DTNBP1: variants seen among roughly 807,000 people sequenced by gnomAD.
DTNBP1 encodes dystrobrevin binding protein 1.
In DTNBP1, 35 loss-of-function variants were observed where a neutral mutation model predicts 42.8. The ratio of observed to expected loss-of-function variants is 0.82; its 90% CI spans 0.63 to 1.09. The LOEUF (loss-of-function observed/expected upper bound fraction) is 1.09. Among genes scored for constraint, DTNBP1 ranks in the 50% least tolerant of loss-of-function variants. The pLI is 0.00. For synonymous variants in DTNBP1, 171 were observed against 162.2 expected (o/e 1.05, Z -0.41); for missense variants, 457 against 424.2 (o/e 1.08, Z -0.68).
rs1772009067 is a variant in DTNBP1, at chr6:15,523,016, TGTCA to T, written c.1011_1014del (p.Asp338GlufsTer46). On this transcript the variant is annotated frameshift_variant, in exon 10 of 10. Coordinates refer to ENST00000344537, the MANE Select transcript of DTNBP1 (RefSeq NM_032122.5). LOFTEE classifies it high-confidence loss of function. ...TCACCACCATCCGGAGTGGCCTCTC[TGTCA>T]GTGTGTGATGTGGCCAGGGCAGTGT... is the stretch of plus-strand genomic sequence containing the variant. The T allele has an allele frequency of 1.2e-6, 2 of 1,614,222 alleles. No individual in the cohort carries two copies. Among genetic ancestry groups the T allele is most frequent in the Non-Finnish European group, 1.7e-6 (2 of 1,180,040 alleles).
intron 7 of DTNBP1, among the ~76,000 whole-genome samples, chr6:15,558,898 CGTTAT>C (rs1201715195): frequency 6.6e-6 from 1 of 152,104 alleles, no homozygotes; most frequent in Non-Finnish European, 1.5e-5. Context: ...AAATAAATGT[CGTTAT>C]GTTATAGGTC....
chr6:15,533,243 G>A lies in DTNBP1; in HGVS notation c.664C>T (p.Arg222Ter), dbSNP rs367702294. The A allele has an allele frequency of 6.8e-6, 11 of 1,613,560 alleles. No individual in the cohort carries two copies. Among genetic ancestry groups the A allele is most frequent in the Middle Eastern group, 3.4e-4 (2 of 5,890 alleles). The change falls in exon 8 of 10, where the codon CGA becomes TGA. Residue 222 changes from arginine to a stop codon, truncating the protein, a stop_gained. Coordinates refer to ENST00000344537, the MANE Select transcript of DTNBP1 (RefSeq NM_032122.5). LOFTEE classifies it high-confidence loss of function. ...STGYLQIAER[R>*]EPIGSMSSME... is the part of the protein sequence containing the mutation. ...AGCAGCCCCAGCCCCCACTCGCCTC[G>A]CCGCTCTGCAATCTGCAGGTAGCCA...
At chr6:15,650,632 C>A (rs1760938575) in intron 3 of DTNBP1, among the ~76,000 whole-genome samples, 1 of 152,116 alleles carries the variant, frequency 6.6e-6, no homozygotes, top group Non-Finnish European at 1.5e-5. Context: ...CGTTGAGCAT[C>A]TTTTCATGTG....
chr6:15,628,587 A>T (rs1759498728), intron 4 of DTNBP1, among the ~76,000 whole-genome samples: 1 of 151,642 alleles, frequency 6.6e-6, no homozygotes, highest in African/African-American at 2.4e-5. Context: ...TTGTATTTTT[A>T]GTAGAGACAG....
intron 6 of DTNBP1, among the ~76,000 whole-genome samples, chr6:15,593,309 C>G (rs1776375100): frequency 6.6e-6 from 1 of 152,110 alleles, no homozygotes; most frequent in South Asian, 2.1e-4. Flanking sequence ...AAAGTTCCAC[C>G]AGAATCCAAA....
rs115740151 is a variant in DTNBP1 at position 15,632,041 on chromosome 6, G to A, written c.223-4566C>T. ...TTGCATTTCCTTGATACCAAGCAAG[G>A]TTGAACATATTTTACTGTGTACTGG... On this transcript the variant is annotated intron_variant, in intron 4 of 9. Transcript: ENST00000344537. 8.8e-3 allele frequency among the ~76,000 whole-genome samples: 1,336 copies of A among 152,220 alleles called. 26 individuals carry two copies. The highest frequency in any genetic ancestry group is 0.03 in the African/African-American group (1,240 of 41,512).
chr6:15,583,188 C>T (rs1451409033), intron 7 of DTNBP1, among the ~76,000 whole-genome samples: 1 of 152,024 alleles, frequency 6.6e-6, no homozygotes, highest in African/African-American at 2.4e-5. Context: ...CATTATGTTA[C>T]CCTGGGCTGG....
intron 3 of DTNBP1, among the ~76,000 whole-genome samples, chr6:15,642,742 G>A (rs560331350): frequency 2.7e-4 from 41 of 152,224 alleles, no homozygotes; most frequent in African/African-American, 9.9e-4. Flanking sequence ...TTGGCTCTGT[G>A]GAAGCACCCA....
intron 6 of DTNBP1, among the ~76,000 whole-genome samples, chr6:15,612,452 C>A (rs1268923097): frequency 6.6e-6 from 1 of 152,160 alleles, no homozygotes; most frequent in Non-Finnish European, 1.5e-5. Context: ...ATGTTTCCAA[C>A]AATCACATTT....
intron 2 of DTNBP1, 172 bp from the exon 3 acceptor site, chr6:15,651,535 T>G (rs190780878): frequency 3.1e-5 from 25 of 803,794 alleles, no homozygotes; most frequent in Non-Finnish European, 5.0e-5. Context: ...ATGTACTGTA[T>G]GTAACACACT....
intron 8 of DTNBP1, among the ~76,000 whole-genome samples, chr6:15,531,868 G>A (rs867851721): frequency 1.3e-5 from 2 of 152,186 alleles, no homozygotes; most frequent in East Asian, 1.9e-4. Context: ...TCTTGACCTC[G>A]TGATCCACCC....
intron 7 of DTNBP1, chr6:15,585,904 G>A (rs1776061917): frequency 7.0e-7 from 1 of 1,421,764 alleles, no homozygotes; most frequent in Non-Finnish European, 9.2e-7. Context: ...TTTTTCCAAA[G>A]AAATTGTAGT....
chr6:15,658,483 G>T (rs924995350), intron 1 of DTNBP1, among the ~76,000 whole-genome samples: 1 of 152,094 alleles, frequency 6.6e-6, no homozygotes, highest in African/African-American at 2.4e-5. Flanking sequence ...GGGCAGTGAG[G>T]GCTTTGAGGG....
intron 7 of DTNBP1, among the ~76,000 whole-genome samples, chr6:15,591,105 G>A (rs909043359): frequency 7.3e-5 from 11 of 151,340 alleles, no homozygotes; most frequent in African/African-American, 2.7e-4. Context: ...TCTTGTTATA[G>A]GGTACTTTTT....
chr6:15,636,460 A>C (rs1442817503), intron 4 of DTNBP1, among the ~76,000 whole-genome samples: 1 of 151,942 alleles, frequency 6.6e-6, no homozygotes, highest in African/African-American at 2.4e-5. Context: ...CAACTCTTTC[A>C]TTTCTTAACT....
chr6:15,631,226 C>T (rs1664410145), intron 4 of DTNBP1, among the ~76,000 whole-genome samples: 1 of 152,148 alleles, frequency 6.6e-6, no homozygotes, highest in African/African-American at 2.4e-5. Context: ...TAATACACCA[C>T]AGAAGGCTTT....
In DTNBP1 at chr6:15,541,811, A is replaced by G. The variant is rs185500366; in HGVS notation, c.512-8416T>C. Reference sequence around the variant, plus strand: ...GTGGCACAAGATATATGAAATTAAAAAAAACCAAGTTCATTTCAGGAACAT... The same window carrying G: ...GTGGCACAAGATATATGAAATTAAAGAAAACCAAGTTCATTTCAGGAACAT... On this transcript the variant is annotated intron_variant, in intron 7 of 9. Transcript: ENST00000344537. 2.7e-3 allele frequency among the ~76,000 whole-genome samples: 409 copies of G among 152,360 alleles called. 4 individuals are homozygous for G. Among genetic ancestry groups the G allele is most frequent in the African/African-American group, 9.7e-3 (402 of 41,580 alleles).
intron 7 of DTNBP1, among the ~76,000 whole-genome samples, chr6:15,551,089 C>T (rs986691478): frequency 2.0e-5 from 3 of 152,126 alleles, no homozygotes; most frequent in African/African-American, 7.2e-5. Flanking sequence ...GGACCTCTCC[C>T]TTACTGCTTC....
In DTNBP1 at chr6:15,637,359, G is replaced by GT. The variant is rs563704519; in HGVS notation, c.222+384dup. ...TTTTGGATAGACTGAGCAAAGTTAA[G>GT]TTTTTTTGACCAAATAATAAGGAAT... On this transcript the variant is annotated intron_variant, in intron 4 of 9. Coordinates refer to ENST00000344537, the MANE Select transcript of DTNBP1 (RefSeq NM_032122.5). Among the ~76,000 whole-genome samples the GT allele has an allele frequency of 5.4e-4, 82 of 152,242 alleles. No homozygotes were observed. In the East Asian group the frequency reaches 0.012, roughly 23 times the overall value.
Sources: allele counts gnomAD v4.1 joint callset (sites outside exome capture counted in the v4.1 genomes callset), GRCh38; gene constraint gnomAD v4.1.1; transcripts MANE v1.5; gene names NCBI Gene and HGNC (gene_info 2026-07-23, HGNC 2026-07-21).